FAM117B: variants seen among roughly 807,000 people sequenced by gnomAD.
FAM117B encodes the protein family with sequence similarity 117 member B.
In FAM117B, 22 loss-of-function variants were observed where a neutral mutation model predicts 52.8. The observed-to-expected ratio is 0.42, with a 90% CI of 0.30 to 0.59. FAM117B has a LOEUF of 0.59. FAM117B is among the 20% of genes least tolerant of loss of function. The pLI is 0.22. For synonymous variants in FAM117B, 309 were observed against 324.1 expected (o/e 0.95, Z 0.50); for missense variants, 678 against 802.6 (o/e 0.84, Z 1.88).
At chr2:202,716,676 C>G (rs766249687) in intron 2 of FAM117B, among the ~76,000 whole-genome samples, 3 of 152,102 alleles carry the variant, frequency 2.0e-5, no homozygotes, top group Non-Finnish European at 4.4e-5. Flanking sequence ...TTTTCTAGAT[C>G]CGGTAGGCAT....
chr2:202,638,902 G>A (rs1689725599), intron 1 of FAM117B, among the ~76,000 whole-genome samples: 1 of 152,052 alleles, frequency 6.6e-6, no homozygotes, highest in Non-Finnish European at 1.5e-5. Flanking sequence ...CCCAGGAATT[G>A]TTGTTTCACT....
intron 4 of FAM117B, among the ~76,000 whole-genome samples, chr2:202,730,976 A>T (rs1403402730): frequency 6.6e-6 from 1 of 152,182 alleles, no homozygotes; most frequent in East Asian, 1.9e-4. Flanking sequence ...GAATAGGATA[A>T]CCCACAAATC....
At position 202,724,671 on chromosome 2, in the gene FAM117B, GTATAAT is replaced by G. The variant is rs753362961; in HGVS notation, c.754-236_754-231del. On this transcript the variant is annotated intron_variant, in intron 2 of 7. Coordinates refer to ENST00000392238, the MANE Select transcript of FAM117B (RefSeq NM_173511.4). ...TTGTTCCATAAATGCTTTATTTGTA[GTATAAT>G]TATAATTATGTAAAAATACTAATTT... Among the ~76,000 whole-genome samples, 13 of 152,098 alleles carry G rather than the reference GTATAAT, an allele frequency of 8.5e-5. No homozygotes were observed. The South Asian group carries it at 1.2e-3, about 15-fold the overall frequency.
chr2:202,702,015 C>T (rs1298882103), intron 2 of FAM117B, among the ~76,000 whole-genome samples: 2 of 152,156 alleles, frequency 1.3e-5, no homozygotes, highest in Admixed American at 1.3e-4. Flanking sequence ...ATATGCTACC[C>T]ACGCAGCATT....
At chr2:202,759,376 C>A in intron 7 of FAM117B, 23 bp downstream of exon 7, 2 of 1,587,420 alleles carry the variant, frequency 1.3e-6, no homozygotes, top group Admixed American at 1.9e-5. Context: ...TCCACCATCC[C>A]CACAAAAAAA....
chr2:202,644,064 G>GTTTTTTTTTTT (rs1161026426), intron 1 of FAM117B, among the ~76,000 whole-genome samples: 1,002 of 94,632 alleles, frequency 0.011, 1 homozygote, highest in East Asian at 0.019. Context: ...TTTTTTTTTT[G>GTTTTTTTTTTT]TTTTTTTTTT....
At chr2:202,654,517 G>A (rs1222528508) in intron 1 of FAM117B, among the ~76,000 whole-genome samples, 1 of 151,832 alleles carries the variant, frequency 6.6e-6, no homozygotes, top group Non-Finnish European at 1.5e-5. Flanking sequence ...TTTTAATACT[G>A]GAAAATTGTG....
chr2:202,706,217 T>C (rs898945221), intron 2 of FAM117B, among the ~76,000 whole-genome samples: 6 of 152,188 alleles, frequency 3.9e-5, no homozygotes, highest in Non-Finnish European at 7.3e-5. Context: ...GTTTGGTTTC[T>C]TTACGGCATA....
chr2:202,642,389 A>G (rs1689785569), intron 1 of FAM117B, among the ~76,000 whole-genome samples: 1 of 149,692 alleles, frequency 6.7e-6, no homozygotes, highest in Non-Finnish European at 1.5e-5. Context: ...GTGACTTGAG[A>G]TAGGAGAAAC....
intron 4 of FAM117B, among the ~76,000 whole-genome samples, chr2:202,738,200 A>T (rs1044054503): frequency 1.3e-5 from 2 of 152,196 alleles, no homozygotes; most frequent in African/African-American, 4.8e-5. Flanking sequence ...TCCCAGTCTC[A>T]ACTTGTCTTT....
At chr2:202,709,482 G>A (rs1221445175) in intron 2 of FAM117B, among the ~76,000 whole-genome samples, 3 of 152,180 alleles carry the variant, frequency 2.0e-5, no homozygotes, top group East Asian at 3.8e-4. Context: ...GATTACAGGC[G>A]TGAGCCACCA....
At chr2:202,691,153 G>A (rs546123161) in intron 1 of FAM117B, among the ~76,000 whole-genome samples, 2 of 152,184 alleles carry the variant, frequency 1.3e-5, no homozygotes, top group South Asian at 4.2e-4. Flanking sequence ...GGTGGCTCAC[G>A]TCTGTAATCC....
chr2:202,667,619 C>T (rs969436949), intron 1 of FAM117B, among the ~76,000 whole-genome samples: 4 of 152,088 alleles, frequency 2.6e-5, no homozygotes, highest in South Asian at 2.1e-4. Context: ...CTGAATGGTA[C>T]TGGTGTTATG....
chr2:202,666,279 GA>G (rs904801695), intron 1 of FAM117B, among the ~76,000 whole-genome samples: 55 of 150,786 alleles, frequency 3.6e-4, no homozygotes, highest in East Asian at 1.7e-3. Flanking sequence ...CATGAAAATT[GA>G]AAAAAAATAG....
At chr2:202,656,226 C>T (rs1402214629) in intron 1 of FAM117B, among the ~76,000 whole-genome samples, 1 of 152,096 alleles carries the variant, frequency 6.6e-6, no homozygotes, top group African/African-American at 2.4e-5. Context: ...TTCATCTCTG[C>T]TCTCGTCTTT....
intron 2 of FAM117B, among the ~76,000 whole-genome samples, chr2:202,705,985 G>A (rs1290367869): frequency 6.6e-6 from 1 of 152,110 alleles, no homozygotes; most frequent in African/African-American, 2.4e-5. Context: ...CGTGATTGAT[G>A]TCTGGTTTTC....
intron 4 of FAM117B, among the ~76,000 whole-genome samples, chr2:202,743,711 A>G (rs1029426177): frequency 1.3e-5 from 2 of 152,200 alleles, no homozygotes; most frequent in African/African-American, 4.8e-5. Flanking sequence ...AACCAAACAA[A>G]TCATGGAGCT....
At chr2:202,643,523 T>C (rs1331218672) in intron 1 of FAM117B, among the ~76,000 whole-genome samples, 1 of 152,206 alleles carries the variant, frequency 6.6e-6, no homozygotes, top group Non-Finnish European at 1.5e-5. Context: ...TTATACTATA[T>C]TTTTAAATTT....
rs67479326 is a variant in FAM117B, at chr2:202,740,174, C to CAAAAAA, written c.960+13834_960+13839dup. Among the ~76,000 whole-genome samples, 17 of 100,610 alleles carry CAAAAAA rather than the reference C, an allele frequency of 1.7e-4. 1 individual carries two copies. Among genetic ancestry groups the CAAAAAA allele is most frequent in the African/African-American group, 3.7e-4 (9 of 24,590 alleles). 66.0% of individuals were successfully genotyped at this position (100,610 alleles called of 152,430 possible). A position where few individuals can be genotyped will look rare whatever the true frequency, so the allele number is the denominator to read the frequency against. ...GAGGACAGAGCGAGACTTCATCCCCCAAAAAAAAAAAAAAAAAAAAAAAAA... is the reference window on the plus strand; with the variant it reads ...GAGGACAGAGCGAGACTTCATCCCCCAAAAAAAAAAAAAAAAAAAAAAAAAAAAAAA... On this transcript the variant is annotated intron_variant, in intron 4 of 7. Coordinates refer to ENST00000392238, the MANE Select transcript of FAM117B (RefSeq NM_173511.4).
Sources: gnomAD v4.1 joint callset for allele counts (sites outside exome capture counted in the v4.1 genomes callset) on GRCh38, gnomAD v4.1.1 for gene constraint, MANE v1.5 for transcripts, NCBI Gene and HGNC (gene_info 2026-07-23, HGNC 2026-07-21) for gene names.